Variants in LRRC4C observed in about 807,000 individuals in gnomAD.
LRRC4C encodes leucine rich repeat containing 4C.
Under a neutral mutation model 33.6 loss-of-function variants are expected in LRRC4C, and 5 were observed. The ratio of observed to expected loss-of-function variants is 0.15; its 90% CI spans 0.08 to 0.31. The LOEUF is 0.31. Among genes scored for constraint, LRRC4C ranks in the 10% least tolerant of loss-of-function variants. The pLI is 1.00. For missense variants in LRRC4C, 560 were observed against 796.7 expected, an observed-to-expected ratio of 0.70 and a Z score of 3.58; for synonymous variants, 329 against 302.0, an observed-to-expected ratio of 1.09 and a Z score of -0.93.
intron 3 of LRRC4C, among the ~76,000 whole-genome samples, chr11:40,335,889 A>G (rs537089352): frequency 7.9e-5 from 12 of 152,174 alleles, no homozygotes; most frequent in Non-Finnish European, 1.6e-4. Flanking sequence ...TACTAGCTCT[A>G]TGACTTCAGG....
At chr11:40,901,770 C>T (rs1342742691) in intron 2 of LRRC4C, among the ~76,000 whole-genome samples, 1 of 151,838 alleles carries the variant, frequency 6.6e-6, no homozygotes, top group Non-Finnish European at 1.5e-5. Context: ...ACTGAAATAT[C>T]CTAGCAACTG....
chr11:40,278,732 T>C (rs1206235228), intron 4 of LRRC4C, among the ~76,000 whole-genome samples: 1 of 152,156 alleles, frequency 6.6e-6, no homozygotes, highest in African/African-American at 2.4e-5. Context: ...TGTAGCAAGT[T>C]ACATTATGAA....
At chr11:41,221,548 A>T (rs1326097909) in intron 1 of LRRC4C, among the ~76,000 whole-genome samples, 1 of 152,166 alleles carries the variant, frequency 6.6e-6, no homozygotes, top group African/African-American at 2.4e-5. Context: ...TCCCATTACT[A>T]GCTATATACC....
intron 2 of LRRC4C, among the ~76,000 whole-genome samples, chr11:40,794,644 T>A (rs1349156172): frequency 2.0e-5 from 3 of 152,194 alleles, no homozygotes; most frequent in African/African-American, 7.2e-5. Context: ...TTGGAAGTAC[T>A]ACTTTCTAAA....
chr11:40,367,262 G>C (rs923533898), intron 3 of LRRC4C, among the ~76,000 whole-genome samples: 3 of 151,968 alleles, frequency 2.0e-5, no homozygotes, highest in African/African-American at 7.2e-5. Flanking sequence ...ACCACATTTA[G>C]AGCTCCATAG....
chr11:40,747,441 A>G (rs1207855917), intron 2 of LRRC4C, among the ~76,000 whole-genome samples: 1 of 152,198 alleles, frequency 6.6e-6, no homozygotes, highest in Non-Finnish European at 1.5e-5. Flanking sequence ...AAAGATAGAA[A>G]AAAGCAACTA....
chr11:40,581,138 G>A (rs1014981397), intron 3 of LRRC4C, among the ~76,000 whole-genome samples: 3 of 152,282 alleles, frequency 2.0e-5, no homozygotes, highest in Admixed American at 2.0e-4. Flanking sequence ...CATGACAAAT[G>A]TGCTTTGGTA....
intron 1 of LRRC4C, among the ~76,000 whole-genome samples, chr11:41,264,095 ATTT>A (rs371070496): frequency 7.0e-6 from 1 of 142,714 alleles, no homozygotes; most frequent in Non-Finnish European, 1.5e-5. Context: ...CTTTTTATTA[ATTT>A]TTTTTTTTTT....
chr11:40,537,421 G>T lies in LRRC4C; in HGVS notation c.-270+110721C>A, dbSNP rs565477117. ...GCTGAATTTGAACTCCAGCAGTCTG[G>T]CTCCCAAGGCCACAATTGTCACTTC... On this transcript the variant is annotated intron_variant, in intron 3 of 6. Transcript: ENST00000528697. Among the ~76,000 whole-genome samples the T allele has an allele frequency of 2.0e-5, 3 of 152,256 alleles. No homozygotes were observed. In the South Asian group the frequency reaches 6.2e-4, roughly 32 times the overall value.
At chr11:40,643,892 T>C (rs1034043514) in intron 3 of LRRC4C, among the ~76,000 whole-genome samples, 13 of 152,128 alleles carry the variant, frequency 8.5e-5, no homozygotes, top group Admixed American at 7.2e-4. Context: ...AAACAGAAGG[T>C]TTAAACAATA....
At chr11:40,544,454 A>T (rs1435758822) in intron 3 of LRRC4C, among the ~76,000 whole-genome samples, 2 of 152,108 alleles carry the variant, frequency 1.3e-5, no homozygotes, top group Non-Finnish European at 2.9e-5. Flanking sequence ...GATTCTTTGT[A>T]CCTACTTCAT....
chr11:40,476,342 C>CTTTTTTTT (rs71308392), intron 3 of LRRC4C, among the ~76,000 whole-genome samples: 17 of 81,372 alleles, frequency 2.1e-4, no homozygotes, highest in Admixed American at 4.4e-4. Context: ...TTTTTTTCTT[C>CTTTTTTTT]TTTTTTTTTT....
intron 1 of LRRC4C, among the ~76,000 whole-genome samples, chr11:41,092,405 C>A (rs1439647297): frequency 6.6e-6 from 1 of 152,120 alleles, no homozygotes; most frequent in Non-Finnish European, 1.5e-5. Flanking sequence ...TCACTGTTAC[C>A]CCTGACAGGG....
intron 1 of LRRC4C, among the ~76,000 whole-genome samples, chr11:41,151,459 G>C (rs1943995013): frequency 6.6e-6 from 1 of 152,192 alleles, no homozygotes; most frequent in East Asian, 1.9e-4. Flanking sequence ...AGAATACTTA[G>C]TGGCTACTTA....
At chr11:40,525,048 C>T (rs984546601) in intron 3 of LRRC4C, among the ~76,000 whole-genome samples, 3 of 129,548 alleles carry the variant, frequency 2.3e-5, no homozygotes, top group Admixed American at 9.0e-5. Flanking sequence ...AAGAATACAG[C>T]ATAGCAAGAA....
At chr11:41,282,386 C>T (rs1244248415) in intron 1 of LRRC4C, among the ~76,000 whole-genome samples, 2 of 152,100 alleles carry the variant, frequency 1.3e-5, no homozygotes, top group African/African-American at 2.4e-5. Context: ...AGAAGTAAAC[C>T]TCTGCTGAGC....
At chr11:41,260,865 A>G (rs1457546837) in intron 1 of LRRC4C, among the ~76,000 whole-genome samples, 5 of 152,108 alleles carry the variant, frequency 3.3e-5, no homozygotes, top group African/African-American at 4.8e-5. Context: ...AGCCCAAGCC[A>G]GGAAAATTGA....
intron 1 of LRRC4C, among the ~76,000 whole-genome samples, chr11:41,350,230 G>T (rs974132578): frequency 6.6e-6 from 1 of 152,122 alleles, no homozygotes; most frequent in Admixed American, 6.5e-5. Context: ...AAATGTTTTC[G>T]TCAGGTGCAG....
chr11:41,097,511 A>G (rs1940887975), intron 1 of LRRC4C, among the ~76,000 whole-genome samples: 1 of 152,158 alleles, frequency 6.6e-6, no homozygotes, highest in African/African-American at 2.4e-5. Context: ...AAGATGAGAA[A>G]TGTGAGTCAT....
Sources: allele counts gnomAD v4.1 joint callset (sites outside exome capture counted in the v4.1 genomes callset), GRCh38; gene constraint gnomAD v4.1.1; transcripts MANE v1.5; gene names NCBI Gene and HGNC (gene_info 2026-07-23, HGNC 2026-07-21).